PANK1: variants seen among roughly 807,000 people sequenced by gnomAD.
PANK1 encodes pantothenate kinase 1.
Under a neutral mutation model 40.1 loss-of-function variants are expected in PANK1, and 18 were observed. That is an observed-to-expected ratio of 0.45 (90% confidence interval 0.31 to 0.67). The LOEUF is 0.67. PANK1 is among the 30% of genes least tolerant of loss of function. The probability of loss-of-function intolerance (pLI) is 0.06; values close to 1 mark genes in which losing one functional copy is unlikely to be tolerated. For missense variants in PANK1, 457 were observed against 599.6 expected, an observed-to-expected ratio of 0.76 and a Z score of 2.48; for synonymous variants, 242 against 237.7, an observed-to-expected ratio of 1.02 and a Z score of -0.17.
intron 1 of PANK1, among the ~76,000 whole-genome samples, chr10:89,641,667 G>C (rs141418591): frequency 0.027 from 4,063 of 152,130 alleles, 358 homozygotes; most frequent in East Asian, 0.27. Flanking sequence ...AGGAGGCGGA[G>C]CTTGCAGTGA....
At chr10:89,612,234 A>G (rs1328356549) in intron 1 of PANK1, among the ~76,000 whole-genome samples, 186 bp from the exon 2 acceptor site, 1 of 152,236 alleles carries the variant, frequency 6.6e-6, no homozygotes, top group Non-Finnish European at 1.5e-5. Flanking sequence ...CAATCAAAAG[A>G]GTGCCCAAGG....
chr10:89,599,535 C>T (rs1193644912), intron 2 of PANK1, 30 bp from the exon 3 acceptor site: 4 of 1,595,998 alleles, frequency 2.5e-6, no homozygotes, highest in African/African-American at 2.7e-5. Context: ...AAAATAAAAC[C>T]TTGTGAGATA....
intron 1 of PANK1, among the ~76,000 whole-genome samples, chr10:89,622,380 G>T (rs971592434): frequency 2.6e-5 from 4 of 152,112 alleles, no homozygotes; most frequent in African/African-American, 9.7e-5. Flanking sequence ...AAGGGTACAA[G>T]CTCATATGCT....
At chr10:89,601,020 C>T (rs1389268809) in intron 2 of PANK1, among the ~76,000 whole-genome samples, 3 of 152,102 alleles carry the variant, frequency 2.0e-5, no homozygotes, top group African/African-American at 7.2e-5. Context: ...AAATAACTTT[C>T]CCTAAGTGAC....
intron 1 of PANK1, chr10:89,643,730 A>G: frequency 1.2e-6 from 2 of 1,613,920 alleles, no homozygotes; most frequent in Non-Finnish European, 1.7e-6. Context: ...TTCATTAAAG[A>G]CACCCACAAA....
chr10:89,621,056 C>A (rs1564631710), intron 1 of PANK1, among the ~76,000 whole-genome samples: 1 of 152,192 alleles, frequency 6.6e-6, no homozygotes, highest in African/African-American at 2.4e-5. Context: ...AATCCCAGCA[C>A]TTTGGGAGGC....
At chr10:89,610,017 G>C (rs1845103805) in intron 2 of PANK1, among the ~76,000 whole-genome samples, 1 of 152,218 alleles carries the variant, frequency 6.6e-6, no homozygotes, top group African/African-American at 2.4e-5. Context: ...AGAGCAATGA[G>C]AGTGGATCAG....
intron 3 of PANK1, among the ~76,000 whole-genome samples, chr10:89,594,202 T>C (rs369640084): frequency 6.2e-4 from 94 of 152,212 alleles, no homozygotes; most frequent in African/African-American, 2.2e-3. Context: ...AATTTGCCCC[T>C]AAATTTGAGA....
chr10:89,614,748 G>T (rs955948607), intron 1 of PANK1, among the ~76,000 whole-genome samples: 9 of 151,990 alleles, frequency 5.9e-5, no homozygotes, highest in African/African-American at 1.9e-4. Flanking sequence ...AGCGAGCCGA[G>T]ATTGCACCAC....
At chr10:89,588,825 C>G in intron 5 of PANK1, 48 bp from the exon 6 acceptor site, 1 of 1,443,886 alleles carries the variant, frequency 6.9e-7, no homozygotes, top group Non-Finnish European at 9.4e-7. Flanking sequence ...ATAAAAATAG[C>G]ATTTGGCAAA....
rs545008942 is a variant in PANK1, at chr10:89,611,932, G to T, written c.409C>A (p.Arg137=). 2 of 1,613,928 alleles carry T rather than the reference G, an allele frequency of 1.2e-6. No individual in the cohort carries two copies. Among genetic ancestry groups the T allele is most frequent in the African/African-American group, 2.7e-5 (2 of 74,908 alleles). Reference sequence around the variant, plus strand: ...GCAGTATTAGAAGTCAAATACTTCCGGATGCTCTTCAGGTTCTCCACTTCC... The same window carrying T: ...GCAGTATTAGAAGTCAAATACTTCCTGATGCTCTTCAGGTTCTCCACTTCC... ...QEEVENLKSI[R]KYLTSNTAYG... is the part of the protein sequence containing the mutation. The change falls in exon 2 of 7, where the codon CGG becomes AGG. Residue 137 remains arginine (R), a synonymous_variant. Transcript: ENST00000307534.
At chr10:89,641,777 TA>T (rs572861825) in intron 1 of PANK1, among the ~76,000 whole-genome samples, 5 of 143,570 alleles carry the variant, frequency 3.5e-5, no homozygotes, top group East Asian at 2.0e-4. Flanking sequence ...ATAAATAAAA[TA>T]AAAAAAAATC....
intron 1 of PANK1, among the ~76,000 whole-genome samples, chr10:89,633,947 A>G (rs1483245135): frequency 1.3e-5 from 2 of 152,170 alleles, no homozygotes; most frequent in East Asian, 1.9e-4. Context: ...AGAATCTGGC[A>G]GGCAAGAATA....
chr10:89,606,381 AT>A (rs1397582479), intron 2 of PANK1, among the ~76,000 whole-genome samples: 1 of 152,220 alleles, frequency 6.6e-6, no homozygotes, highest in Non-Finnish European at 1.5e-5. Flanking sequence ...CATCACCTTC[AT>A]TAGTGACTTT....
At chr10:89,605,128 T>C (rs1844919507) in intron 2 of PANK1, among the ~76,000 whole-genome samples, 1 of 151,978 alleles carries the variant, frequency 6.6e-6, no homozygotes, top group South Asian at 2.1e-4. Flanking sequence ...ATGCGAATCA[T>C]CTGAGCCTTC....
chr10:89,620,966 A>G (rs1194267402), intron 1 of PANK1, among the ~76,000 whole-genome samples: 2 of 152,202 alleles, frequency 1.3e-5, no homozygotes, highest in Admixed American at 1.3e-4. Flanking sequence ...ATGAATATTA[A>G]TTATGTTCAA....
At chr10:89,635,756 G>A (rs551389285) in intron 1 of PANK1, among the ~76,000 whole-genome samples, 11 of 152,306 alleles carry the variant, frequency 7.2e-5, no homozygotes, top group Admixed American at 6.5e-4. Flanking sequence ...CTGTAAGCCT[G>A]TGAAATCAAA....
chr10:89,644,959 GTCTTT>G lies in PANK1; in HGVS notation c.-73_-69del. The G allele has an allele frequency of 6.4e-7, 1 of 1,572,828 alleles. No homozygotes were observed. The highest frequency in any genetic ancestry group is 8.6e-7 in the Non-Finnish European group (1 of 1,162,964). On this transcript the variant is annotated 5_prime_UTR_variant, in exon 1 of 7. Transcript: ENST00000307534. ...GCCTCGCTGGAGGTCATTCTCCGGC[GTCTTT>G]ATTTCCCCGGATCCTCCCTGCGGCT...
At chr10:89,584,529 T>C in intron 6 of PANK1, 64 bp from the exon 7 acceptor site, 1 of 1,046,546 alleles carries the variant, frequency 9.6e-7, no homozygotes. Flanking sequence ...TTTTTAATAA[T>C]TCTAGGAATG....
Sources: gnomAD v4.1 joint callset for allele counts (sites outside exome capture counted in the v4.1 genomes callset) on GRCh38, gnomAD v4.1.1 for gene constraint, MANE v1.5 for transcripts, NCBI Gene and HGNC (gene_info 2026-07-23, HGNC 2026-07-21) for gene names.